CLTCL1: variants seen among roughly 807,000 people sequenced by gnomAD.
The protein encoded by CLTCL1 is clathrin heavy chain 2.
Under a neutral mutation model 190.0 loss-of-function variants are expected in CLTCL1, and 159 were observed. The ratio of observed to expected loss-of-function variants is 0.84; its 90% CI spans 0.74 to 0.95. CLTCL1 has a LOEUF of 0.95. Ranked by LOEUF, CLTCL1 falls within the 40% of genes least tolerant of loss-of-function variation. The pLI is 0.00. For missense variants in CLTCL1, 1,878 were observed against 2,033.4 expected, an observed-to-expected ratio of 0.92 and a Z score of 1.47; for synonymous variants, 752 against 769.6, an observed-to-expected ratio of 0.98 and a Z score of 0.38.
chr22:19,180,930 T>C (rs899452207), intron 30 of CLTCL1, 124 bp from the exon 31 acceptor site: 1 of 789,164 alleles, frequency 1.3e-6, no homozygotes, highest in Admixed American at 1.9e-5. Flanking sequence ...GAGGTGCACA[T>C]GGGCAGATGT....
At chr22:19,253,813 G>T in intron 3 of CLTCL1, 146 bp downstream of exon 3, 1 of 920,414 alleles carries the variant, frequency 1.1e-6, no homozygotes. Flanking sequence ...AGATCCTCCC[G>T]CCTCGGCCTC....
At chr22:19,258,674 G>A (rs2086845696) in intron 2 of CLTCL1, 2 of 657,242 alleles carry the variant, frequency 3.0e-6, no homozygotes, top group African/African-American at 1.8e-5. Context: ...TGGAAGATGG[G>A]GAGGACTTCA....
In CLTCL1 at chr22:19,225,510, C is replaced by T. The variant is rs1060374; in HGVS notation, c.2071G>A (p.Glu691Lys). Residue 691 changes from glutamate (E) to lysine (K), a missense_variant, in exon 13 of 33, where the codon GAG becomes AAG. Transcript: ENST00000427926. Reference sequence around the variant, plus strand: ...ACCAGGGCCTGCGTGCCCAGCTGCTCGTGGTACTTAGAGGCCACCTGCACA... The same window carrying T: ...ACCAGGGCCTGCGTGCCCAGCTGCTTGTGGTACTTAGAGGCCACCTGCACA... The part of the protein sequence containing the change: ...LCVQVASKYH[E>K]QLGTQALVEL... 14,549 of 1,587,318 alleles carry T rather than the reference C, an allele frequency of 9.2e-3. 1,113 individuals carry two copies. In the African/African-American group the frequency reaches 0.17, roughly 18 times the overall value.
rs118086266 is a variant in CLTCL1 at position 19,278,242 on chromosome 22, C to T, written c.43-2412G>A. The stretch of plus-strand genomic sequence containing the variant: ...GGCCTGCCGTCCTCAGCACTTGTTA[C>T]TTTTGGAATTTTCTTAGGTATTATA... On this transcript the variant is annotated intron_variant, in intron 1 of 32. Transcript: ENST00000427926. Among the ~76,000 whole-genome samples the T allele has an allele frequency of 4.3e-3, 651 of 152,134 alleles. 3 individuals carry two copies. The highest frequency in any genetic ancestry group is 6.6e-3 in the Non-Finnish European group (448 of 67,998).
intron 1 of CLTCL1, among the ~76,000 whole-genome samples, chr22:19,290,739 T>C (rs186313105): frequency 5.3e-5 from 8 of 152,336 alleles, no homozygotes; most frequent in African/African-American, 1.9e-4. Context: ...TGTACTACTT[T>C]GTGGTCAAAA....
At chr22:19,247,165 T>C (rs532381338) in intron 3 of CLTCL1, among the ~76,000 whole-genome samples, 2 of 152,230 alleles carry the variant, frequency 1.3e-5, no homozygotes, top group Non-Finnish European at 2.9e-5. Flanking sequence ...TTTGAGTTTA[T>C]TTTTGTACAT....
At position 19,191,329 on chromosome 22, in the gene CLTCL1, G is replaced by A; in HGVS notation, c.4298C>T (p.Thr1433Ile). The change falls in exon 27 of 33, where the codon ACC (threonine) becomes ATC (isoleucine). Residue 1433 changes from threonine (T) to isoleucine (I), a missense_variant. Physicochemically the swap from Thr to Ile is moderately conservative, Grantham distance 89. Coordinates refer to ENST00000427926, the MANE Select transcript of CLTCL1 (RefSeq NM_007098.4). ...CTTTGAAAAGAAACTGACTGTCCAG[G>A]TGTGGTCCAGCCGGGGTGAAAGCAC... The part of the protein sequence containing the change: ...LLVLSPRLDH[T>I]WTVSFFSKAG... 1 of 1,614,020 alleles carries A rather than the reference G, an allele frequency of 6.2e-7. No individual in the cohort carries two copies. The highest frequency in any genetic ancestry group is 8.5e-7 in the Non-Finnish European group (1 of 1,179,884).
At chr22:19,285,423 T>C (rs1429849174) in intron 1 of CLTCL1, among the ~76,000 whole-genome samples, 1 of 152,222 alleles carries the variant, frequency 6.6e-6, no homozygotes. Context: ...AGTTCAGGGA[T>C]AGTTAACTAC....
intron 5 of CLTCL1, among the ~76,000 whole-genome samples, chr22:19,238,214 C>CTT (rs2086142084): frequency 2.0e-5 from 3 of 152,132 alleles, no homozygotes; most frequent in African/African-American, 7.2e-5. Context: ...CTCAGCATCC[C>CTT]ATGTAGCTGG....
intron 14 of CLTCL1, 146 bp downstream of exon 14, chr22:19,223,745 G>A (rs1462382862): frequency 4.3e-5 from 36 of 839,212 alleles, no homozygotes; most frequent in Non-Finnish European, 6.3e-5. Context: ...AGAACTTTAA[G>A]CCATAAAGTG....
At chr22:19,220,727 C>G (rs1375382174) in intron 17 of CLTCL1, among the ~76,000 whole-genome samples, 1 of 152,238 alleles carries the variant, frequency 6.6e-6, no homozygotes, top group Non-Finnish European at 1.5e-5. Context: ...AAAGCCCAAG[C>G]AGGCTGGTGT....
In CLTCL1 at chr22:19,188,096, C is replaced by G. The variant is rs1555929394; in HGVS notation, c.4324-5G>C. On this transcript the variant is annotated splice_polypyrimidine_tract_variant and splice_region_variant and intron_variant, in intron 27 of 32. Coordinates refer to ENST00000427926, the MANE Select transcript of CLTCL1 (RefSeq NM_007098.4). Reference sequence around the variant, plus strand: ...CACCAGGGGCAGCTGACCTGCCTGACAAGTTGAGGGAACCGTCAAGGCACT... The same window carrying G: ...CACCAGGGGCAGCTGACCTGCCTGAGAAGTTGAGGGAACCGTCAAGGCACT... The G allele has an allele frequency of 1.2e-6, 2 of 1,613,864 alleles. No homozygotes were observed. Among genetic ancestry groups the G allele is most frequent in the Non-Finnish European group, 1.7e-6 (2 of 1,179,756 alleles).
rs528636185 is a variant in CLTCL1 at position 19,279,646 on chromosome 22, C to G, written c.43-3816G>C. Among the ~76,000 whole-genome samples the G allele has an allele frequency of 3.9e-5, 6 of 152,342 alleles. No homozygotes were observed. In the South Asian group the frequency reaches 6.2e-4, roughly 16 times the overall value. On this transcript the variant is annotated intron_variant, in intron 1 of 32. Transcript: ENST00000427926. ...ATAAATCTTCATTTCAGCAAAGTAT[C>G]TGGCTTACCTCTGCTGAGGTAGCCA...
chr22:19,257,126 A>AAAGGAACCTC, intron 2 of CLTCL1, among the ~76,000 whole-genome samples: 1 of 152,322 alleles, frequency 6.6e-6, no homozygotes, highest in East Asian at 1.9e-4. Flanking sequence ...AAAGGACCTC[A>AAAGGAACCTC]AATAGCCAAA....
In CLTCL1 at chr22:19,201,291, C is replaced by T. The variant is rs565008672; in HGVS notation, c.3765+38G>A. On this transcript the variant is annotated intron_variant, in intron 23 of 32. Coordinates refer to ENST00000427926, the MANE Select transcript of CLTCL1 (RefSeq NM_007098.4). ...CAAAGGACACGGAGAGCGTGCCTGT[C>T]CAGCACACTCTGCCGTCTGCAGTTG... is the stretch of plus-strand genomic sequence containing the variant. 7.6e-6 allele frequency: 12 copies of T among 1,579,764 alleles called. No homozygotes were observed. The South Asian group carries it at 1.0e-4, about 14-fold the overall frequency.
chr22:19,201,498 GGAT>G lies in CLTCL1; in HGVS notation c.3601-8_3601-6del. On this transcript the variant is annotated splice_region_variant and splice_polypyrimidine_tract_variant and intron_variant, in intron 22 of 32. Coordinates refer to ENST00000427926, the MANE Select transcript of CLTCL1 (RefSeq NM_007098.4). Reference sequence around the variant, plus strand: ...CTCGTAACAGCGGTCTCCAACCTACGGATAATAGGGTAGCTCGACTGAGACACT... The same window carrying G: ...CTCGTAACAGCGGTCTCCAACCTACGAATAGGGTAGCTCGACTGAGACACT... 6.2e-7 allele frequency: 1 copy of G among 1,609,080 alleles called. No homozygotes were observed. Among genetic ancestry groups the G allele is most frequent in the South Asian group, 1.1e-5 (1 of 90,914 alleles).
At chr22:19,272,152 C>T (rs2087342032) in intron 2 of CLTCL1, among the ~76,000 whole-genome samples, 1 of 151,988 alleles carries the variant, frequency 6.6e-6, no homozygotes, top group Admixed American at 6.6e-5. Flanking sequence ...GAGCAAAAAG[C>T]AGACCGTTTG....
intron 22 of CLTCL1, among the ~76,000 whole-genome samples, chr22:19,205,335 C>T (rs1360347414): frequency 6.6e-6 from 1 of 152,032 alleles, no homozygotes; most frequent in African/African-American, 2.4e-5. Flanking sequence ...CATGGTGAAA[C>T]CCCGTCTCTA....
rs191425994 is a variant in CLTCL1, at chr22:19,263,467, T to G, written c.251-9240A>C. Reference sequence around the variant, plus strand: ...TCTCACTCTGTCACCCAGGCTGAAGTGCAGTGGCGCAGTCTTGGCTCACTG... The same window carrying G: ...TCTCACTCTGTCACCCAGGCTGAAGGGCAGTGGCGCAGTCTTGGCTCACTG... On this transcript the variant is annotated intron_variant, in intron 2 of 32. Transcript: ENST00000427926. 4.6e-3 allele frequency among the ~76,000 whole-genome samples: 701 copies of G among 152,286 alleles called. 20 individuals are homozygous for G. Among genetic ancestry groups the G allele is most frequent in the Admixed American group, 0.038 (574 of 15,278 alleles).
Sources: allele counts gnomAD v4.1 joint callset (sites outside exome capture counted in the v4.1 genomes callset), GRCh38; gene constraint gnomAD v4.1.1; transcripts MANE v1.5; gene names NCBI Gene and HGNC (gene_info 2026-07-23, HGNC 2026-07-21).